The following GTF2I variants were observed in gnomAD, a reference collection of about 807,000 sequenced individuals.
The protein encoded by GTF2I is general transcription factor II-I.
In GTF2I, 12 loss-of-function variants were observed where a neutral mutation model predicts 67.6. That is an observed-to-expected ratio of 0.18 (90% confidence interval 0.11 to 0.29). The LOEUF is 0.29. Among genes scored for constraint, GTF2I ranks in the 10% least tolerant of loss-of-function variants. The pLI, the probability that GTF2I is intolerant of heterozygous loss-of-function variation, is 1.00. For synonymous variants in GTF2I, 149 were observed against 197.0 expected, an observed-to-expected ratio of 0.76 and a Z score of 2.04; for missense variants, 271 against 580.1, an observed-to-expected ratio of 0.47 and a Z score of 5.47.
At chr7:74,707,468 C>T (rs781915034) in intron 8 of GTF2I, among the ~76,000 whole-genome samples, 2 of 152,152 alleles carry the variant, frequency 1.3e-5, no homozygotes, top group Non-Finnish European at 1.5e-5. Context: ...AAGGGCATCT[C>T]GAATGAGTTG....
chr7:74,663,999 T>C (rs988171980), intron 1 of GTF2I, among the ~76,000 whole-genome samples: 4 of 151,842 alleles, frequency 2.6e-5, no homozygotes, highest in Admixed American at 6.6e-5. Flanking sequence ...CCGGCTAATT[T>C]TGTATTTTTA....
chr7:74,712,487 A>AGTGTGTGTGTGTGTGTGTGTGTGT (rs142200093), intron 9 of GTF2I, among the ~76,000 whole-genome samples: 2 of 131,764 alleles, frequency 1.5e-5, no homozygotes, highest in African/African-American at 5.5e-5. Context: ...TTCTCCCGGG[A>AGTGTGTGTGTGTGTGTGTGTGTGT]GTGTGTGTGT....
chr7:74,659,857 T>C (rs1301866365), intron 1 of GTF2I, among the ~76,000 whole-genome samples: 4 of 152,148 alleles, frequency 2.6e-5, no homozygotes, highest in East Asian at 1.9e-4. Context: ...CTCTTTTAAA[T>C]TCAACTTTGC....
chr7:74,726,935 G>C (rs1273665243), intron 12 of GTF2I: 1 of 151,722 alleles, frequency 6.6e-6, no homozygotes, highest in Non-Finnish European at 1.5e-5. Flanking sequence ...TAGATAGATA[G>C]ATAGATAGAA....
At chr7:74,661,019 C>G (rs1021937593) in intron 1 of GTF2I, among the ~76,000 whole-genome samples, 3 of 152,190 alleles carry the variant, frequency 2.0e-5, no homozygotes, top group Admixed American at 2.0e-4. Context: ...CTTATTTAAT[C>G]TTTGTGACAA....
intron 11 of GTF2I, 45 bp downstream of exon 11, chr7:74,716,995 G>A (rs782239101): frequency 6.4e-7 from 1 of 1,557,146 alleles, no homozygotes; most frequent in South Asian, 1.1e-5. Context: ...TTTGTTGTAT[G>A]TTTATTCTAT....
intron 6 of GTF2I, among the ~76,000 whole-genome samples, chr7:74,704,383 C>T (rs1254524586): frequency 6.6e-6 from 1 of 151,792 alleles, no homozygotes; most frequent in Non-Finnish European, 1.5e-5. Flanking sequence ...ATCTGCCTCC[C>T]AGGCTCAAGC....
intron 1 of GTF2I, chr7:74,684,839 ATTG>A (rs1279513846): frequency 6.6e-6 from 1 of 152,208 alleles, no homozygotes; most frequent in Non-Finnish European, 1.5e-5. Context: ...ATTGAGTGTG[ATTG>A]TTACCAGTGG....
chr7:74,660,655 C>T (rs1804402810), intron 1 of GTF2I, among the ~76,000 whole-genome samples: 1 of 128,170 alleles, frequency 7.8e-6, no homozygotes, highest in African/African-American at 2.9e-5. Context: ...GAGTTTCGCT[C>T]TCGTTGCCCA....
intron 1 of GTF2I, among the ~76,000 whole-genome samples, chr7:74,667,973 A>G (rs1211799330): frequency 6.6e-6 from 1 of 151,524 alleles, no homozygotes; most frequent in Admixed American, 6.6e-5. Context: ...AGCTGGGACT[A>G]CAGGTGCGCA....
In GTF2I at chr7:74,717,027, A is replaced by G. The variant is rs587682357; in HGVS notation, c.880+77A>G. The G allele has an allele frequency of 2.7e-5, 41 of 1,516,450 alleles. No individual in the cohort carries two copies. The African/African-American group carries it at 5.4e-4, about 20-fold the overall frequency. 93.9% of individuals were successfully genotyped at this position (1,516,450 alleles called of 1,614,324 possible). A position where few individuals can be genotyped will look rare whatever the true frequency, so the allele number is the denominator to read the frequency against. On this transcript the variant is annotated intron_variant, in intron 11 of 34. Transcript: ENST00000573035. ...CTATTTTATAGATTCTATTATCCTT[A>G]AAACACCTTATTTGGAAATAAAAGG...
rs1350052683 is a variant in GTF2I, at chr7:74,711,012, C to A, written c.686-20C>A. The A allele has an allele frequency of 2.3e-6, 3 of 1,284,764 alleles. No individual in the cohort carries two copies. The highest frequency in any genetic ancestry group is 2.2e-6 in the Non-Finnish European group (2 of 901,734). 79.6% of individuals were successfully genotyped at this position (1,284,764 alleles called of 1,614,324 possible). The stretch of plus-strand genomic sequence containing the variant: ...TGAAAGTTCTCACATGCAATCATAT[C>A]ATTGCATTTGCTTTTCTAGGCATTT... On this transcript the variant is annotated intron_variant, in intron 8 of 34. Coordinates refer to ENST00000573035, the MANE Select transcript of GTF2I (RefSeq NM_032999.4).
At chr7:74,666,848 C>T (rs944170251) in intron 1 of GTF2I, among the ~76,000 whole-genome samples, 15 of 148,736 alleles carry the variant, frequency 1.0e-4, no homozygotes, top group East Asian at 1.9e-4. Flanking sequence ...GGCGTGATGG[C>T]GGGTGCCTGT....
intron 2 of GTF2I, among the ~76,000 whole-genome samples, chr7:74,690,281 AG>A (rs1468544229): frequency 6.6e-6 from 1 of 152,076 alleles, no homozygotes; most frequent in Non-Finnish European, 1.5e-5. Context: ...TATTATTTTT[AG>A]GGGGGAAAAT....
chr7:74,668,300 G>C (rs1201241317), intron 1 of GTF2I, among the ~76,000 whole-genome samples: 1 of 147,738 alleles, frequency 6.8e-6, no homozygotes, highest in African/African-American at 2.5e-5. Flanking sequence ...GTGGTTTTTG[G>C]AGTCTTTGTT....
At chr7:74,717,022 T>C (rs1792347751) in intron 11 of GTF2I, 72 bp downstream of exon 11, 2 of 1,525,044 alleles carry the variant, frequency 1.3e-6, no homozygotes, top group East Asian at 2.3e-5. Context: ...GATTCTATTA[T>C]CCTTAAAACA....
At chr7:74,721,820 A>C (rs1793041341) in intron 12 of GTF2I, among the ~76,000 whole-genome samples, 1 of 152,110 alleles carries the variant, frequency 6.6e-6, no homozygotes, top group African/African-American at 2.4e-5. Context: ...TTTTCCAATA[A>C]TCTGAAAAAA....
chr7:74,696,086 G>C (rs1788867164), intron 3 of GTF2I, among the ~76,000 whole-genome samples: 1 of 151,784 alleles, frequency 6.6e-6, no homozygotes, highest in Non-Finnish European at 1.5e-5. Flanking sequence ...CAGCCTCCCA[G>C]GTTCAAGCGA....
intron 28 of GTF2I, among the ~76,000 whole-genome samples, chr7:74,752,463 C>T (rs1783960416): frequency 1.3e-5 from 2 of 148,610 alleles, no homozygotes; most frequent in South Asian, 2.3e-4. Flanking sequence ...CGCCTGTAAT[C>T]CCAGCACTTT....
Sources: allele counts gnomAD v4.1 joint callset (sites outside exome capture counted in the v4.1 genomes callset), GRCh38; gene constraint gnomAD v4.1.1; transcripts MANE v1.5; gene names NCBI Gene and HGNC (gene_info 2026-07-23, HGNC 2026-07-21).